MTMR7: variants seen among roughly 807,000 people sequenced by gnomAD.
MTMR7 encodes the protein myotubularin related protein 7.
MTMR7 carries 76 observed loss-of-function variants against 81.2 expected under a neutral mutation model. That is an observed-to-expected ratio of 0.94 (90% CI 0.78 to 1.13). The LOEUF (loss-of-function observed/expected upper bound fraction) is 1.13, where lower values mean the gene tolerates loss of function less well. MTMR7 is among the 50% of genes most tolerant of loss of function. The pLI, the probability that MTMR7 is intolerant of heterozygous loss-of-function variation, is 0.00. For synonymous variants in MTMR7, 372 were observed against 289.8 expected, an observed-to-expected ratio of 1.28 and a Z score of -2.88; for missense variants, 1,044 against 820.0, an observed-to-expected ratio of 1.27 and a Z score of -3.34.
intron 6 of MTMR7, among the ~76,000 whole-genome samples, chr8:17,340,357 C>T (rs1440398985): frequency 1.3e-5 from 2 of 152,232 alleles, no homozygotes; most frequent in South Asian, 2.1e-4. Flanking sequence ...CAGAACTGGA[C>T]GTTCATCTTT....
At chr8:17,347,998 G>C (rs1298781992) in intron 5 of MTMR7, among the ~76,000 whole-genome samples, 1 of 152,122 alleles carries the variant, frequency 6.6e-6, no homozygotes, top group Non-Finnish European at 1.5e-5. Flanking sequence ...CAGAAAGGTA[G>C]AAGGAGCTTG....
chr8:17,381,136 A>G (rs1820745011), intron 1 of MTMR7, among the ~76,000 whole-genome samples: 1 of 152,214 alleles, frequency 6.6e-6, no homozygotes, highest in Admixed American at 6.5e-5. Context: ...TATAGATTCA[A>G]TGGAAAAGAC....
intron 1 of MTMR7, among the ~76,000 whole-genome samples, chr8:17,390,595 T>G (rs781343921): frequency 4.6e-5 from 7 of 152,152 alleles, no homozygotes; most frequent in Non-Finnish European, 1.0e-4. Context: ...TATTAGTCCC[T>G]TCTCATACTG....
rs979864356 is a variant in MTMR7, at chr8:17,362,874, A to C, written c.311-1600T>G. Among the ~76,000 whole-genome samples, 8 of 152,332 alleles carry C rather than the reference A, an allele frequency of 5.3e-5. No homozygotes were observed. The East Asian group carries it at 1.5e-3, about 29-fold the overall frequency. On this transcript the variant is annotated intron_variant, in intron 3 of 13. Coordinates refer to ENST00000180173, the MANE Select transcript of MTMR7 (RefSeq NM_004686.5). ...GCCTGACATGAAAACTCAGGTTTCA[A>C]ACTTGAGATGACTCATCTGCATGGA...
In MTMR7 at chr8:17,304,551, C is replaced by T. The variant is rs748763280; in HGVS notation, c.1353-32G>A. The T allele has an allele frequency of 4.4e-6, 7 of 1,599,518 alleles. No individual in the cohort carries two copies. In the East Asian group the frequency reaches 1.3e-4, roughly 31 times the overall value. On this transcript the variant is annotated intron_variant, in intron 11 of 13. Coordinates refer to ENST00000180173, the MANE Select transcript of MTMR7 (RefSeq NM_004686.5). ...TAAAGAAAATAAGTCTATAAATGACCTATTTTGGTGCTTACACACAGTAGA... is the reference window on the plus strand; with the variant it reads ...TAAAGAAAATAAGTCTATAAATGACTTATTTTGGTGCTTACACACAGTAGA...
rs2150452071 is a variant in MTMR7, at chr8:17,299,509, G to T, written c.*353C>A. 1.0e-5 allele frequency: 2 copies of T among 198,668 alleles called. No homozygotes were observed. The highest frequency in any genetic ancestry group is 2.3e-4 in the South Asian group (2 of 8,826). The allele number at this position is 198,668 out of a possible 1,614,324, so 12.3% of individuals were successfully genotyped here. ...AAAGAATCATGATGATCACAGATGTGAGGGAAAGGAGTGGAGGCTTTTTGA... is the reference window on the plus strand; with the variant it reads ...AAAGAATCATGATGATCACAGATGTTAGGGAAAGGAGTGGAGGCTTTTTGA... On this transcript the variant is annotated 3_prime_UTR_variant, in exon 14 of 14. Coordinates refer to ENST00000180173, the MANE Select transcript of MTMR7 (RefSeq NM_004686.5).
At chr8:17,357,361 G>A (rs7823018) in intron 4 of MTMR7, among the ~76,000 whole-genome samples, 4 of 152,026 alleles carry the variant, frequency 2.6e-5, no homozygotes, top group African/African-American at 9.7e-5. Context: ...CGAAATGGAT[G>A]ACAAATACAA....
chr8:17,328,909 C>A (rs1818840440), intron 7 of MTMR7, among the ~76,000 whole-genome samples: 1 of 152,126 alleles, frequency 6.6e-6, no homozygotes, highest in Non-Finnish European at 1.5e-5. Context: ...TTGAGACTTA[C>A]AAATGGAAGT....
chr8:17,401,608 A>T (rs1821431175), intron 1 of MTMR7, among the ~76,000 whole-genome samples: 1 of 152,170 alleles, frequency 6.6e-6, no homozygotes, highest in Non-Finnish European at 1.5e-5. Context: ...AGTATTTCAG[A>T]ACAGGGTGGT....
At chr8:17,365,347 T>C (rs1378961872) in intron 3 of MTMR7, among the ~76,000 whole-genome samples, 1 of 152,246 alleles carries the variant, frequency 6.6e-6, no homozygotes, top group Non-Finnish European at 1.5e-5. Context: ...TTCCAAGTCT[T>C]TTCTTCAATT....
At chr8:17,389,459 C>T (rs1410793671) in intron 1 of MTMR7, among the ~76,000 whole-genome samples, 1 of 152,194 alleles carries the variant, frequency 6.6e-6, no homozygotes, top group African/African-American at 2.4e-5. Context: ...CTTCCTGAAA[C>T]AACAATGATC....
chr8:17,413,180 A>C, intron 1 of MTMR7, 89 bp downstream of exon 1: 1 of 1,448,044 alleles, frequency 6.9e-7, no homozygotes, highest in Non-Finnish European at 9.5e-7. Context: ...GTGCCCCTCA[A>C]AGCAGTCGGC....
At chr8:17,389,545 T>C (rs1486988336) in intron 1 of MTMR7, among the ~76,000 whole-genome samples, 2 of 152,228 alleles carry the variant, frequency 1.3e-5, no homozygotes, top group African/African-American at 2.4e-5. Flanking sequence ...CCTATCTTTG[T>C]AGCCTGATGC....
intron 5 of MTMR7, among the ~76,000 whole-genome samples, chr8:17,343,853 C>T (rs1225223998): frequency 6.6e-6 from 1 of 152,140 alleles, no homozygotes; most frequent in Non-Finnish European, 1.5e-5. Context: ...AGTCTCAGTG[C>T]TTTTGTGCAC....
intron 6 of MTMR7, among the ~76,000 whole-genome samples, chr8:17,335,350 G>A (rs1819202042): frequency 6.6e-6 from 1 of 152,136 alleles, no homozygotes; most frequent in Non-Finnish European, 1.5e-5. Flanking sequence ...ACAGAATGAG[G>A]CCCGGGGAGA....
chr8:17,364,790 C>CATGGTA (rs1585093530), intron 3 of MTMR7, among the ~76,000 whole-genome samples: 1 of 152,142 alleles, frequency 6.6e-6, no homozygotes, highest in East Asian at 1.9e-4. Flanking sequence ...TTTGTATATA[C>CATGGTA]CATGTTTTCT....
At position 17,361,240 on chromosome 8, in the gene MTMR7, G is replaced by T; in HGVS notation, c.345C>A (p.Asn115Lys). The change falls in exon 4 of 14, where the codon AAC becomes AAA. Residue 115 changes from asparagine (N) to lysine (K), a missense_variant. Asn to Lys is a moderately conservative substitution (Grantham distance 94). Coordinates refer to ENST00000180173, the MANE Select transcript of MTMR7 (RefSeq NM_004686.5). ...KYEELYCFSF[N>K]PMLDKEEREQ... is the part of the protein sequence containing the mutation. ...CTCTTTCTTCTTTATCCAGCATGGG[G>T]TTGAATGAAAAGCAGTATAACTCCT... is the stretch of plus-strand genomic sequence containing the variant. The T allele has an allele frequency of 1.2e-6, 2 of 1,614,140 alleles. No homozygotes were observed. The highest frequency in any genetic ancestry group is 1.7e-6 in the Non-Finnish European group (2 of 1,180,008).
At chr8:17,408,038 T>C (rs1821637905) in intron 1 of MTMR7, among the ~76,000 whole-genome samples, 1 of 152,320 alleles carries the variant, frequency 6.6e-6, no homozygotes, top group East Asian at 1.9e-4. Flanking sequence ...GGTTCTAAAA[T>C]GAGTTATTTA....
At chr8:17,308,932 T>G (rs943476267) in intron 10 of MTMR7, among the ~76,000 whole-genome samples, 1 of 152,178 alleles carries the variant, frequency 6.6e-6, no homozygotes, top group Non-Finnish European at 1.5e-5. Context: ...AGTTCACAAC[T>G]TGCAGACTAA....
Sources: gnomAD v4.1 joint callset for allele counts (sites outside exome capture counted in the v4.1 genomes callset) on GRCh38, gnomAD v4.1.1 for gene constraint, MANE v1.5 for transcripts, NCBI Gene and HGNC (gene_info 2026-07-23, HGNC 2026-07-21) for gene names.